The following NKAIN3 variants were observed in gnomAD, a reference collection of about 807,000 sequenced individuals.
NKAIN3 encodes sodium/potassium-transporting ATPase subunit beta-1-interacting protein 3.
In NKAIN3, 25 loss-of-function variants were observed where a neutral mutation model predicts 30.2. That is an observed-to-expected ratio of 0.83 (90% CI 0.60 to 1.16). The LOEUF (loss-of-function observed/expected upper bound fraction) is 1.16. NKAIN3 is among the 50% of genes most tolerant of loss of function. The pLI is 0.00. For missense variants in NKAIN3, 225 were observed against 254.1 expected (o/e 0.89, Z 0.78); for synonymous variants, 91 against 89.6 (o/e 1.02, Z -0.09).
At chr8:62,569,108 G>T (rs1436402388) in intron 1 of NKAIN3, among the ~76,000 whole-genome samples, 2 of 152,038 alleles carry the variant, frequency 1.3e-5, no homozygotes, top group Non-Finnish European at 2.9e-5. Flanking sequence ...AGAATTCCTG[G>T]ATCCATCTCA....
intron 1 of NKAIN3, among the ~76,000 whole-genome samples, chr8:62,448,128 T>C (rs998398985): frequency 6.6e-6 from 1 of 151,962 alleles, no homozygotes; most frequent in Non-Finnish European, 1.5e-5. Context: ...TATAGTTCAC[T>C]CTCTTTGCTC....
At chr8:62,764,802 G>A (rs941965210) in intron 4 of NKAIN3, among the ~76,000 whole-genome samples, 1 of 152,212 alleles carries the variant, frequency 6.6e-6, no homozygotes, top group African/African-American at 2.4e-5. Flanking sequence ...TGAGATTTAT[G>A]TGTCCTACAT....
intron 1 of NKAIN3, among the ~76,000 whole-genome samples, chr8:62,424,938 T>G (rs975795349): frequency 3.3e-5 from 5 of 151,886 alleles, no homozygotes; most frequent in African/African-American, 1.2e-4. Context: ...GTACATACAA[T>G]GAATTATTAT....
intron 1 of NKAIN3, among the ~76,000 whole-genome samples, chr8:62,419,922 A>G (rs1804581114): frequency 6.6e-6 from 1 of 152,192 alleles, no homozygotes; most frequent in African/African-American, 2.4e-5. Flanking sequence ...ATGTTCAATT[A>G]ATCAAGCCAT....
At chr8:62,363,848 A>G (rs547438659) in intron 1 of NKAIN3, among the ~76,000 whole-genome samples, 30 of 62,232 alleles carry the variant, frequency 4.8e-4, no homozygotes, top group Non-Finnish European at 6.7e-4. Context: ...AAAGAAAAAG[A>G]TAGTTTCTAT....
intron 4 of NKAIN3, among the ~76,000 whole-genome samples, chr8:62,833,716 A>G (rs750754168): frequency 9.2e-5 from 14 of 151,814 alleles, no homozygotes; most frequent in Non-Finnish European, 1.8e-4. Flanking sequence ...AAAGCCCCAC[A>G]TGGATTCACA....
At chr8:62,705,448 G>A (rs563117603) in intron 3 of NKAIN3, among the ~76,000 whole-genome samples, 1 of 152,242 alleles carries the variant, frequency 6.6e-6, no homozygotes, top group South Asian at 2.1e-4. Context: ...GCTCTTTACA[G>A]GCAAGACATC....
At chr8:62,465,945 C>T (rs540281282) in intron 1 of NKAIN3, among the ~76,000 whole-genome samples, 1 of 152,026 alleles carries the variant, frequency 6.6e-6, no homozygotes, top group Admixed American at 6.6e-5. Flanking sequence ...ATCTCTTGAA[C>T]CTAGGAGGCA....
Position 62,549,386 on chromosome 8 carries a change from T to G in NKAIN3, c.55-30153T>G, listed in dbSNP as rs535573112. On this transcript the variant is annotated intron_variant, in intron 1 of 6. Coordinates refer to ENST00000623646, the MANE Select transcript of NKAIN3 (RefSeq NM_001304533.3). ...ATAGTTAGGTTATTTTTGTTTAATTTAAAATTTTTTTTTCCTTGTCATACT... is the reference window on the plus strand; with the variant it reads ...ATAGTTAGGTTATTTTTGTTTAATTGAAAATTTTTTTTTCCTTGTCATACT... Among the ~76,000 whole-genome samples, 7 of 152,268 alleles carry G rather than the reference T, an allele frequency of 4.6e-5. No homozygotes were observed. The East Asian group carries it at 1.2e-3, about 25-fold the overall frequency.
At chr8:62,444,714 AAT>A (rs1202619568) in intron 1 of NKAIN3, among the ~76,000 whole-genome samples, 2 of 152,120 alleles carry the variant, frequency 1.3e-5, no homozygotes, top group African/African-American at 4.8e-5. Context: ...CTTTCTCTCA[AAT>A]ATACACCCAA....
chr8:62,911,668 G>C (rs1047823124), intron 4 of NKAIN3, among the ~76,000 whole-genome samples: 2 of 151,706 alleles, frequency 1.3e-5, no homozygotes, highest in African/African-American at 4.8e-5. Context: ...AAAGAAATCT[G>C]GTTTATCCAT....
intron 4 of NKAIN3, among the ~76,000 whole-genome samples, chr8:62,893,721 A>C (rs932867560): frequency 1.2e-4 from 18 of 152,150 alleles, no homozygotes; most frequent in African/African-American, 4.3e-4. Flanking sequence ...GATATATATA[A>C]CTGGGAAGGT....
chr8:62,841,186 G>A (rs1284422545), intron 4 of NKAIN3, among the ~76,000 whole-genome samples: 6 of 152,026 alleles, frequency 3.9e-5, no homozygotes, highest in African/African-American at 1.4e-4. Context: ...TTTTTAAATT[G>A]ATAAATTATA....
rs1366094633 is a variant in NKAIN3 at position 62,982,947 on chromosome 8, C to T, written c.*17540C>T. 1.3e-5 allele frequency: 2 copies of T among 152,172 alleles called. No homozygotes were observed. Among genetic ancestry groups the T allele is most frequent in the South Asian group, 2.1e-4 (1 of 4,828 alleles). 9.4% of individuals were successfully genotyped at this position (152,172 alleles called of 1,614,324 possible). A position where few individuals can be genotyped will look rare whatever the true frequency, so the allele number is the denominator to read the frequency against. Reference sequence around the variant, plus strand: ...TGTTGATAGTAGAGCTTATATCAAACTGGGACATGTTTCTTCTTCATTCAT... The same window carrying T: ...TGTTGATAGTAGAGCTTATATCAAATTGGGACATGTTTCTTCTTCATTCAT... On this transcript the variant is annotated 3_prime_UTR_variant, in exon 7 of 7. Coordinates refer to ENST00000623646, the MANE Select transcript of NKAIN3 (RefSeq NM_001304533.3).
intron 1 of NKAIN3, among the ~76,000 whole-genome samples, chr8:62,325,545 A>G (rs1232633320): frequency 6.6e-6 from 1 of 152,010 alleles, no homozygotes; most frequent in Non-Finnish European, 1.5e-5. Flanking sequence ...TTAGTTCTTT[A>G]AGGAATCTCC....
chr8:62,855,409 G>T, intron 4 of NKAIN3: 3 of 917,640 alleles, frequency 3.3e-6, no homozygotes, highest in East Asian at 2.4e-5. Flanking sequence ...TGCCCTTGCT[G>T]ATATTGGCCT....
In NKAIN3 at chr8:62,297,591, G is replaced by T. The variant is rs377441940; in HGVS notation, c.54+48464G>T. 1.3e-5 allele frequency among the ~76,000 whole-genome samples: 2 copies of T among 151,572 alleles called. 1 individual carries two copies. The highest frequency in any genetic ancestry group is 4.9e-5 in the African/African-American group (2 of 41,104). On this transcript the variant is annotated intron_variant, in intron 1 of 6. Transcript: ENST00000623646. ...GAAAAAATGCTCACCATCACTGGCC[G>T]TCAGAGAAATGCAAATCAAAACCAC...
At chr8:62,723,975 C>G (rs1000198250) in intron 3 of NKAIN3, among the ~76,000 whole-genome samples, 8 of 152,030 alleles carry the variant, frequency 5.3e-5, no homozygotes, top group Non-Finnish European at 1.0e-4. Context: ...TCAAGGTGGT[C>G]CAGCAGTAAA....
chr8:62,848,961 A>C (rs62510771), intron 4 of NKAIN3, among the ~76,000 whole-genome samples: 3,000 of 152,254 alleles, frequency 0.02, 40 homozygotes, highest in Non-Finnish European at 0.031. Context: ...GTGATGAATT[A>C]CATTTATTGT....
Sources: gnomAD v4.1 joint callset for allele counts (sites outside exome capture counted in the v4.1 genomes callset) on GRCh38, gnomAD v4.1.1 for gene constraint, MANE v1.5 for transcripts, NCBI Gene and HGNC (gene_info 2026-07-23, HGNC 2026-07-21) for gene names.